PDE6H: variants seen among roughly 807,000 people sequenced by gnomAD.
PDE6H encodes phosphodiesterase 6H, also known as retinal cone rhodopsin-sensitive cGMP 3',5'-cyclic phosphodiesterase subunit gamma.
In PDE6H, 11 loss-of-function variants were observed where a neutral mutation model predicts 9.2. The ratio of observed to expected loss-of-function variants is 1.19; its 90% CI spans 0.75 to 1.97. PDE6H has a LOEUF of 1.97. Among genes scored for constraint, PDE6H ranks in the 30% most tolerant of loss-of-function variants. PDE6H has a pLI of 0.00. For synonymous variants in PDE6H, 36 were observed against 33.6 expected (o/e 1.07, Z -0.25); for missense variants, 98 against 101.5 (o/e 0.97, Z 0.15).
chr12:14,976,488 T>A (rs1463954267), intron 1 of PDE6H, among the ~76,000 whole-genome samples: 1 of 152,120 alleles, frequency 6.6e-6, no homozygotes, highest in Admixed American at 6.5e-5. Flanking sequence ...AGAGAGTCAT[T>A]GTTAGCACGA....
chr12:14,980,327 C>A (rs1177394325), intron 3 of PDE6H, among the ~76,000 whole-genome samples: 1 of 152,116 alleles, frequency 6.6e-6, no homozygotes, highest in East Asian at 1.9e-4. Flanking sequence ...TTTTTAAAAT[C>A]ACGGAATGAT....
At chr12:14,978,998 C>A (rs1864639490) in intron 2 of PDE6H, among the ~76,000 whole-genome samples, 181 bp from the exon 3 acceptor site, 1 of 152,184 alleles carries the variant, frequency 6.6e-6, no homozygotes, top group Admixed American at 6.5e-5. Context: ...GTGGGATACA[C>A]CAAAACCTGC....
At chr12:14,974,258 A>G (rs1157525452) in intron 1 of PDE6H, among the ~76,000 whole-genome samples, 1 of 152,252 alleles carries the variant, frequency 6.6e-6, no homozygotes, top group African/African-American at 2.4e-5. Context: ...TGTGGTCAGC[A>G]TGAGGTTAGC....
At chr12:14,975,678 G>A (rs1233450726) in intron 1 of PDE6H, among the ~76,000 whole-genome samples, 1 of 152,112 alleles carries the variant, frequency 6.6e-6, no homozygotes, top group African/African-American at 2.4e-5. Flanking sequence ...AACGGGAACT[G>A]AATTTAGTGA....
chr12:14,981,852 A>G lies in PDE6H; in HGVS notation c.*376A>G, dbSNP rs536950892. On this transcript the variant is annotated 3_prime_UTR_variant, in exon 4 of 4. Coordinates refer to ENST00000266395, the MANE Select transcript of PDE6H (RefSeq NM_006205.3). ...CACCTCCTCATATTTAATAAAGGAG[A>G]TATTTACCTTGAATGTTGGTGAAGT... is the stretch of plus-strand genomic sequence containing the variant. 3.1e-6 allele frequency: 1 copy of G among 327,316 alleles called. No homozygotes were observed. The highest frequency in any genetic ancestry group is 5.8e-6 in the Non-Finnish European group (1 of 171,014). 20.3% of individuals were successfully genotyped at this position (327,316 alleles called of 1,614,324 possible).
At chr12:14,974,929 T>A (rs1296576670) in intron 1 of PDE6H, among the ~76,000 whole-genome samples, 1 of 152,260 alleles carries the variant, frequency 6.6e-6, no homozygotes, top group Non-Finnish European at 1.5e-5. Context: ...TTTGAACACT[T>A]TGTACCACTC....
At chr12:14,979,332 T>C in intron 3 of PDE6H, 113 bp downstream of exon 3, 1 of 740,428 alleles carries the variant, frequency 1.4e-6, no homozygotes, top group Non-Finnish European at 2.5e-6. Flanking sequence ...AGGCAGAAGA[T>C]CTGTGAAGAC....
chr12:14,978,734 C>T (rs1864635456), intron 2 of PDE6H, among the ~76,000 whole-genome samples: 3 of 152,150 alleles, frequency 2.0e-5, no homozygotes, highest in Admixed American at 6.5e-5. Context: ...GCTAAGACCA[C>T]TCAGAAAATT....
chr12:14,980,151 A>C (rs1864660167), intron 3 of PDE6H, among the ~76,000 whole-genome samples: 1 of 152,096 alleles, frequency 6.6e-6, no homozygotes, highest in African/African-American at 2.4e-5. Context: ...CTCTCTCTCT[A>C]AACCCCAGAC....
intron 1 of PDE6H, among the ~76,000 whole-genome samples, chr12:14,974,187 C>G (rs1449658573): frequency 6.6e-6 from 1 of 152,158 alleles, no homozygotes; most frequent in Non-Finnish European, 1.5e-5. Context: ...CAGCTAAAAT[C>G]AAGTCTGATA....
chr12:14,976,010 TG>T (rs1172755190), intron 1 of PDE6H, among the ~76,000 whole-genome samples: 1 of 151,932 alleles, frequency 6.6e-6, no homozygotes. Flanking sequence ...TTAGTAGAGA[TG>T]GGGTTTCACC....
At chr12:14,978,920 C>T (rs1324929489) in intron 2 of PDE6H, among the ~76,000 whole-genome samples, 3 of 151,906 alleles carry the variant, frequency 2.0e-5, no homozygotes, top group Admixed American at 2.0e-4. Flanking sequence ...TAAGTTGTCC[C>T]ACTGATGGTT....
intron 1 of PDE6H, among the ~76,000 whole-genome samples, chr12:14,976,963 T>C (rs1864605501): frequency 6.6e-6 from 1 of 152,148 alleles, no homozygotes; most frequent in Non-Finnish European, 1.5e-5. Flanking sequence ...TCAATAATTT[T>C]CTTTGATTTG....
chr12:14,980,712 A>G (rs1864669079), intron 3 of PDE6H, among the ~76,000 whole-genome samples: 1 of 152,184 alleles, frequency 6.6e-6, no homozygotes, highest in South Asian at 2.1e-4. Context: ...CTGACAGTGT[A>G]TTTGGAATAA....
At chr12:14,980,741 G>A (rs1049032648) in intron 3 of PDE6H, among the ~76,000 whole-genome samples, 4 of 152,218 alleles carry the variant, frequency 2.6e-5, no homozygotes, top group African/African-American at 9.6e-5. Context: ...GGTTTATAGG[G>A]AGTGAAGGTC....
intron 3 of PDE6H, among the ~76,000 whole-genome samples, chr12:14,981,135 T>A (rs1864676313): frequency 6.6e-6 from 1 of 152,220 alleles, no homozygotes; most frequent in South Asian, 2.1e-4. Context: ...CAGTGGGCTG[T>A]ACCCCACAGG....
chr12:14,973,678 C>G (rs1864551366), intron 1 of PDE6H, among the ~76,000 whole-genome samples: 1 of 152,100 alleles, frequency 6.6e-6, no homozygotes, highest in African/African-American at 2.4e-5. Context: ...TTGATTTTCT[C>G]TGCCTCAGCA....
intron 1 of PDE6H, among the ~76,000 whole-genome samples, chr12:14,975,339 G>C (rs375100991): frequency 6.7e-6 from 1 of 149,612 alleles, no homozygotes; most frequent in African/African-American, 2.5e-5. Context: ...TTATTTCTTT[G>C]TAATTCAAAT....
At chr12:14,980,662 C>G (rs752549022) in intron 3 of PDE6H, among the ~76,000 whole-genome samples, 1 of 152,156 alleles carries the variant, frequency 6.6e-6, no homozygotes, top group African/African-American at 2.4e-5. Flanking sequence ...GCATACAAGA[C>G]CAGCAAATTT....
Sources: gnomAD v4.1 joint callset for allele counts (sites outside exome capture counted in the v4.1 genomes callset) on GRCh38, gnomAD v4.1.1 for gene constraint, MANE v1.5 for transcripts, NCBI Gene and HGNC (gene_info 2026-07-23, HGNC 2026-07-21) for gene names.